HECW1: variants seen among roughly 807,000 people sequenced by gnomAD.
The protein encoded by HECW1 is E3 ubiquitin-protein ligase HECW1.
Under a neutral mutation model 182.3 loss-of-function variants are expected in HECW1, and 61 were observed. The observed-to-expected ratio is 0.33, with a 90% CI of 0.27 to 0.41. HECW1 has a LOEUF of 0.41. Ranked by LOEUF, HECW1 falls within the 10% of genes least tolerant of loss-of-function variation. HECW1 has a pLI of 1.00. For missense variants in HECW1, 1,739 were observed against 2,108.9 expected, an observed-to-expected ratio of 0.82 and a Z score of 3.44; for synonymous variants, 859 against 832.6, an observed-to-expected ratio of 1.03 and a Z score of -0.55.
chr7:43,389,337 G>A (rs2074926702), intron 6 of HECW1, among the ~76,000 whole-genome samples: 1 of 152,186 alleles, frequency 6.6e-6, no homozygotes, highest in Non-Finnish European at 1.5e-5. Flanking sequence ...TTCTGGGGGT[G>A]GGCCCAGCAA....
chr7:43,561,563 C>A (rs775599539), intron 29 of HECW1, among the ~76,000 whole-genome samples: 14 of 152,222 alleles, frequency 9.2e-5, no homozygotes, highest in Non-Finnish European at 1.9e-4. Context: ...AATCAGTTTG[C>A]TAGTGTCATT....
At chr7:43,402,154 T>C (rs2075442448) in intron 7 of HECW1, among the ~76,000 whole-genome samples, 2 of 152,138 alleles carry the variant, frequency 1.3e-5, no homozygotes, top group Admixed American at 1.3e-4. Flanking sequence ...CAGGTCGGTG[T>C]GTGATCTGAT....
chr7:43,470,285 C>G (rs544382975), intron 16 of HECW1, among the ~76,000 whole-genome samples: 1 of 152,264 alleles, frequency 6.6e-6, no homozygotes, highest in African/African-American at 2.4e-5. Flanking sequence ...AGTGGCTTAT[C>G]AGAGCTCGGT....
chr7:43,306,743 G>C (rs977572062), intron 3 of HECW1, among the ~76,000 whole-genome samples: 1 of 151,868 alleles, frequency 6.6e-6, no homozygotes, highest in African/African-American at 2.4e-5. Context: ...GACTTAGTTA[G>C]ATAAAAACTG....
intron 3 of HECW1, chr7:43,274,331 CA>C: frequency 1.2e-6 from 1 of 862,464 alleles, no homozygotes; most frequent in Non-Finnish European, 1.7e-6. Context: ...AAGATGACTT[CA>C]GGCTGGATTG....
At position 43,229,792 on chromosome 7, in the gene HECW1, A is replaced by G. The variant is rs544503130; in HGVS notation, c.-31-14083A>G. ...TCCACAAGATACTCATTATTTACAA[A>G]GGATAAAATAGTGACTTTACAGTGG... On this transcript the variant is annotated intron_variant, in intron 2 of 29. Coordinates refer to ENST00000395891, the MANE Select transcript of HECW1 (RefSeq NM_015052.5). 1.5e-3 allele frequency among the ~76,000 whole-genome samples: 233 copies of G among 152,348 alleles called. No homozygotes were observed. In the Middle Eastern group the frequency reaches 0.031, roughly 20 times the overall value.
At chr7:43,216,012 A>G (rs749704568) in intron 2 of HECW1, among the ~76,000 whole-genome samples, 6 of 152,158 alleles carry the variant, frequency 3.9e-5, no homozygotes, top group Non-Finnish European at 8.8e-5. Context: ...TGTACAGTTT[A>G]TGGAAGTAGT....
intron 7 of HECW1, among the ~76,000 whole-genome samples, 178 bp downstream of exon 7, chr7:43,397,067 G>A (rs1312446423): frequency 6.6e-6 from 1 of 152,182 alleles, no homozygotes; most frequent in Non-Finnish European, 1.5e-5. Flanking sequence ...ACCACATAAG[G>A]ATAATAGAGA....
intron 5 of HECW1, among the ~76,000 whole-genome samples, chr7:43,336,553 CTT>C (rs913003987): frequency 6.6e-6 from 1 of 152,070 alleles, no homozygotes; most frequent in East Asian, 1.9e-4. Flanking sequence ...TTTATTTTCT[CTT>C]ATTTCATTTT....
chr7:43,330,783 A>G (rs1295776016), intron 5 of HECW1, among the ~76,000 whole-genome samples: 1 of 152,142 alleles, frequency 6.6e-6, no homozygotes, highest in Admixed American at 6.5e-5. Context: ...TTTGGGCCCT[A>G]ATAGTTCTGT....
At chr7:43,248,203 A>T (rs1799632796) in intron 3 of HECW1, among the ~76,000 whole-genome samples, 1 of 152,128 alleles carries the variant, frequency 6.6e-6, no homozygotes. Context: ...TCACCCAGAG[A>T]TCGCAGGGCT....
chr7:43,429,277 A>G (rs1307334904), intron 8 of HECW1, among the ~76,000 whole-genome samples: 15 of 141,954 alleles, frequency 1.1e-4, no homozygotes, highest in Non-Finnish European at 4.6e-5. Context: ...TAAACTTTCC[A>G]TATATTATAT....
chr7:43,317,668 A>C (rs542448169), intron 4 of HECW1, among the ~76,000 whole-genome samples: 1 of 151,990 alleles, frequency 6.6e-6, no homozygotes, highest in African/African-American at 2.4e-5. Context: ...AATACTGACT[A>C]CTCTATTTTT....
At chr7:43,216,815 C>T (rs1295578678) in intron 2 of HECW1, among the ~76,000 whole-genome samples, 7 of 152,226 alleles carry the variant, frequency 4.6e-5, no homozygotes, top group South Asian at 4.2e-4. Flanking sequence ...CCACCATGCT[C>T]GGCTAATTTT....
intron 2 of HECW1, among the ~76,000 whole-genome samples, chr7:43,144,983 T>C (rs1788545475): frequency 3.9e-5 from 6 of 152,234 alleles, no homozygotes; most frequent in Admixed American, 3.9e-4. Flanking sequence ...TATATGAATT[T>C]AGATGTAAAT....
chr7:43,158,786 G>A (rs1790174111), intron 2 of HECW1, among the ~76,000 whole-genome samples: 1 of 152,046 alleles, frequency 6.6e-6, no homozygotes, highest in Admixed American at 6.6e-5. Flanking sequence ...CCATGCTCGT[G>A]GTTTACTTTC....
At chr7:43,395,582 G>A (rs957761704) in intron 6 of HECW1, among the ~76,000 whole-genome samples, 3 of 152,108 alleles carry the variant, frequency 2.0e-5, no homozygotes, top group African/African-American at 2.4e-5. Flanking sequence ...GCCTGGTGCC[G>A]AGCCCCATTC....
chr7:43,334,650 A>C (rs567752351), intron 5 of HECW1, among the ~76,000 whole-genome samples: 2 of 152,350 alleles, frequency 1.3e-5, no homozygotes, highest in Non-Finnish European at 2.9e-5. Flanking sequence ...GACAAAAAGC[A>C]GAAAAGAAAA....
At chr7:43,405,601 T>G (rs1039711167) in intron 7 of HECW1, among the ~76,000 whole-genome samples, 3 of 151,778 alleles carry the variant, frequency 2.0e-5, no homozygotes, top group African/African-American at 7.3e-5. Context: ...TGGGGGACAG[T>G]GGGGGTGGTG....
Sources: allele counts gnomAD v4.1 joint callset (sites outside exome capture counted in the v4.1 genomes callset), GRCh38; gene constraint gnomAD v4.1.1; transcripts MANE v1.5; gene names NCBI Gene and HGNC (gene_info 2026-07-23, HGNC 2026-07-21).